KCNK13: variants seen among roughly 807,000 people sequenced by gnomAD.
The protein encoded by KCNK13 is potassium two pore domain channel subfamily K member 13.
In KCNK13, 12 loss-of-function variants were observed where a neutral mutation model predicts 23.4. That is an observed-to-expected ratio of 0.51 (90% CI 0.33 to 0.83). The LOEUF (loss-of-function observed/expected upper bound fraction) is 0.83, where lower values mean the gene tolerates loss of function less well. KCNK13 is among the 40% of genes least tolerant of loss of function. The pLI, the probability that KCNK13 is intolerant of heterozygous loss-of-function variation, is 0.02. For synonymous variants in KCNK13, 231 were observed against 229.5 expected, an observed-to-expected ratio of 1.01 and a Z score of -0.06; for missense variants, 463 against 556.3, an observed-to-expected ratio of 0.83 and a Z score of 1.69.
chr14:90,176,069 G>T (rs1890419248), intron 1 of KCNK13, among the ~76,000 whole-genome samples: 1 of 152,168 alleles, frequency 6.6e-6, no homozygotes, highest in African/African-American at 2.4e-5. Context: ...GAGGAAATAG[G>T]CTTCATCTCT....
chr14:90,115,523 A>G (rs1889666155), intron 1 of KCNK13, among the ~76,000 whole-genome samples: 1 of 152,154 alleles, frequency 6.6e-6, no homozygotes, highest in African/African-American at 2.4e-5. Context: ...TCCACATTCA[A>G]TTCAGATGTC....
intron 1 of KCNK13, among the ~76,000 whole-genome samples, chr14:90,137,513 G>T (rs1371357430): frequency 1.3e-5 from 2 of 151,890 alleles, no homozygotes; most frequent in Non-Finnish European, 2.9e-5. Context: ...TAGAGAAGGG[G>T]TTTCACCATG....
rs558059982 is a variant in KCNK13 at position 90,086,183 on chromosome 14, A to G, written c.334+23644A>G. On this transcript the variant is annotated intron_variant, in intron 1 of 1. Transcript: ENST00000282146. The stretch of plus-strand genomic sequence containing the variant: ...TTTTATAGGTACTGCCAAGTTTTGG[A>G]GAATTTTTAAATTTAAATATTGTCA... Among the ~76,000 whole-genome samples, 77 of 152,226 alleles carry G rather than the reference A, an allele frequency of 5.1e-4. 1 individual carries two copies. Among genetic ancestry groups the G allele is most frequent in the African/African-American group, 1.8e-3 (73 of 41,542 alleles).
intron 1 of KCNK13, among the ~76,000 whole-genome samples, chr14:90,087,129 C>CATATATATATACATAT (rs1889285894): frequency 8.0e-6 from 1 of 124,708 alleles, no homozygotes; most frequent in South Asian, 2.5e-4. Context: ...TATATATATA[C>CATATATATATACATAT]ATATATATAT....
At chr14:90,139,967 CA>C in intron 1 of KCNK13, among the ~76,000 whole-genome samples, 1 of 152,024 alleles carries the variant, frequency 6.6e-6, no homozygotes, top group African/African-American at 2.4e-5. Context: ...GTCTCAAAAA[CA>C]AACAAAAAAA....
At chr14:90,093,346 C>A (rs1439809266) in intron 1 of KCNK13, among the ~76,000 whole-genome samples, 1 of 152,140 alleles carries the variant, frequency 6.6e-6, no homozygotes, top group African/African-American at 2.4e-5. Flanking sequence ...CTATTGTTCT[C>A]CCAGCATTGA....
intron 1 of KCNK13, among the ~76,000 whole-genome samples, chr14:90,149,939 A>G (rs73332326): frequency 0.011 from 1,689 of 152,224 alleles, 20 homozygotes; most frequent in African/African-American, 0.039. Context: ...AACAGCGATC[A>G]AGTAATCCAC....
At chr14:90,169,083 G>A (rs2140442463) in intron 1 of KCNK13, among the ~76,000 whole-genome samples, 1 of 152,208 alleles carries the variant, frequency 6.6e-6, no homozygotes, top group Non-Finnish European at 1.5e-5. Flanking sequence ...GTGTTTATTA[G>A]CAGCGTGAGA....
At chr14:90,161,866 G>A (rs995045643) in intron 1 of KCNK13, among the ~76,000 whole-genome samples, 2 of 152,096 alleles carry the variant, frequency 1.3e-5, no homozygotes, top group African/African-American at 2.4e-5. Flanking sequence ...TGAGGGAAGA[G>A]CCCTCACAAG....
intron 1 of KCNK13, among the ~76,000 whole-genome samples, chr14:90,130,618 G>T (rs1889857128): frequency 6.6e-6 from 1 of 151,844 alleles, no homozygotes; most frequent in Non-Finnish European, 1.5e-5. Context: ...TTTCAGACAA[G>T]CCTGGCCAAA....
At chr14:90,112,015 G>A (rs1889620914) in intron 1 of KCNK13, among the ~76,000 whole-genome samples, 1 of 152,122 alleles carries the variant, frequency 6.6e-6, no homozygotes, top group South Asian at 2.1e-4. Context: ...GCCCCACCCT[G>A]ACCTTATATC....
intron 1 of KCNK13, among the ~76,000 whole-genome samples, chr14:90,179,291 C>A (rs1462170862): frequency 1.3e-5 from 2 of 149,948 alleles, no homozygotes; most frequent in Non-Finnish European, 1.5e-5. Context: ...GCCTTTGTGC[C>A]TGTTTGAAAA....
intron 1 of KCNK13, among the ~76,000 whole-genome samples, chr14:90,179,733 C>T (rs1339106078): frequency 2.0e-5 from 3 of 152,134 alleles, no homozygotes; most frequent in Admixed American, 2.0e-4. Context: ...AAAGGTACCA[C>T]CTGTGACTGT....
In KCNK13 at chr14:90,184,767, G is replaced by A. The variant is rs116117726; in HGVS notation, c.991G>A (p.Gly331Arg). The change falls in exon 2 of 2, where the codon GGG (glycine) becomes AGG (arginine). Residue 331 changes from glycine to arginine, a missense_variant. By Grantham distance (125) the Gly-to-Arg change is moderately radical. Around this residue, in one of 3 missense-constraint regions of KCNK13, gnomAD observed 166 missense variants for 178.8 expected, o/e 0.93. Transcript: ENST00000282146. This position sits in a 1 kb window ranked among gnomAD's most constrained non-coding sequence, Gnocchi z 5.6. ...NRCNISIETDGVAESDTDGRR... is the reference protein window; with the variant it reads ...NRCNISIETDRVAESDTDGRR... Reference sequence around the variant, plus strand: ...CTGCAACATCTCCATAGAGACAGACGGGGTGGCAGAGAGTGACACGGACGG... The same window carrying A: ...CTGCAACATCTCCATAGAGACAGACAGGGTGGCAGAGAGTGACACGGACGG... 2.0e-3 allele frequency: 3,205 copies of A among 1,613,550 alleles called. 10 individuals are homozygous for A. The highest frequency in any genetic ancestry group is 0.017 in the Middle Eastern group (103 of 6,062).
chr14:90,157,981 G>T (rs1243565341), intron 1 of KCNK13, among the ~76,000 whole-genome samples: 1 of 152,220 alleles, frequency 6.6e-6, no homozygotes, highest in Non-Finnish European at 1.5e-5. Flanking sequence ...GATTACAGGT[G>T]TGAGCCACTG....
In KCNK13 at chr14:90,179,177, A is replaced by G. The variant is rs555746749; in HGVS notation, c.335-4934A>G. On this transcript the variant is annotated intron_variant, in intron 1 of 1. Transcript: ENST00000282146. ...TATGTTATCTGGGATTAACTTTACA[A>G]TACACCAGCAAATAAAGGGGATGGG... Among the ~76,000 whole-genome samples, 3 of 152,146 alleles carry G rather than the reference A, an allele frequency of 2.0e-5. No individual in the cohort carries two copies. The South Asian group carries it at 6.2e-4, about 32-fold the overall frequency.
intron 1 of KCNK13, among the ~76,000 whole-genome samples, chr14:90,116,795 C>T (rs1045193751): frequency 6.6e-5 from 10 of 152,134 alleles, no homozygotes; most frequent in East Asian, 1.9e-4. Context: ...CAAGCAAATG[C>T]GCTCATCTTT....
At chr14:90,115,555 A>G (rs1046451797) in intron 1 of KCNK13, among the ~76,000 whole-genome samples, 3 of 152,226 alleles carry the variant, frequency 2.0e-5, no homozygotes, top group Non-Finnish European at 2.9e-5. Flanking sequence ...CCCTTTCTGT[A>G]AAGGGCCAGC....
At chr14:90,129,888 A>G (rs1889846845) in intron 1 of KCNK13, among the ~76,000 whole-genome samples, 1 of 152,114 alleles carries the variant, frequency 6.6e-6, no homozygotes, top group Non-Finnish European at 1.5e-5. Flanking sequence ...TGAACAATTC[A>G]AATAACTTTA....
Sources: allele counts gnomAD v4.1 joint callset (sites outside exome capture counted in the v4.1 genomes callset), GRCh38; gene constraint gnomAD v4.1.1; regional missense constraint gnomAD v4.1.1; non-coding constraint Gnocchi (gnomAD v3.1); transcripts MANE v1.5; gene names NCBI Gene and HGNC (gene_info 2026-07-23, HGNC 2026-07-21).